QPCT: variants seen among roughly 807,000 people sequenced by gnomAD.
The protein encoded by QPCT is glutaminyl-peptide cyclotransferase.
In QPCT, 44 loss-of-function variants were observed where a neutral mutation model predicts 43.4. That is an observed-to-expected ratio of 1.01 (90% CI 0.80 to 1.30). The LOEUF (loss-of-function observed/expected upper bound fraction) is 1.30. Among genes scored for constraint, QPCT ranks in the 50% most tolerant of loss-of-function variants. The pLI, the probability that QPCT is intolerant of heterozygous loss-of-function variation, is 0.00. For synonymous variants in QPCT, 168 were observed against 168.4 expected, an observed-to-expected ratio of 1.00 and a Z score of 0.02; for missense variants, 526 against 436.5, an observed-to-expected ratio of 1.21 and a Z score of -1.83.
Position 37,344,789 on chromosome 2 carries a change from G to T in QPCT, c.58G>T (p.Ala20Ser). Reference protein sequence around the residue: ...VGTLHLLLLVAALPWASRGVS... With the variant: ...VGTLHLLLLVSALPWASRGVS... ...CACCCTCCACCTGCTGCTGCTGGTG[G>T]CCGCCCTGCCCTGGGCATCCAGGGG... The change falls in exon 1 of 7, where the codon GCC (alanine) becomes TCC (serine). Residue 20 changes from alanine to serine, a missense_variant. Ala to Ser is a moderately conservative substitution (Grantham distance 99). Coordinates refer to ENST00000338415, the MANE Select transcript of QPCT (RefSeq NM_012413.4). The T allele has an allele frequency of 6.2e-7, 1 of 1,609,896 alleles. No individual in the cohort carries two copies. Among genetic ancestry groups the T allele is most frequent in the East Asian group, 2.2e-5 (1 of 44,658 alleles).
chr2:37,347,945 T>C (rs898401165), intron 1 of QPCT, among the ~76,000 whole-genome samples: 4 of 152,096 alleles, frequency 2.6e-5, no homozygotes, highest in African/African-American at 9.7e-5. Flanking sequence ...ACTTGGAAAA[T>C]ACAGAAAAAT....
intron 5 of QPCT, among the ~76,000 whole-genome samples, chr2:37,371,499 A>G (rs1673073402): frequency 6.6e-6 from 1 of 151,940 alleles, no homozygotes; most frequent in African/African-American, 2.4e-5. Context: ...ATCAATAAAC[A>G]GACAAGAATA....
intron 3 of QPCT, among the ~76,000 whole-genome samples, chr2:37,361,735 T>C (rs190163249): frequency 2.6e-5 from 4 of 152,348 alleles, no homozygotes; most frequent in East Asian, 1.9e-4. Context: ...CCCAAGAAGA[T>C]ACATAATGGT....
At chr2:37,344,967 A>T in intron 1 of QPCT, 116 bp downstream of exon 1, 2 of 1,403,418 alleles carry the variant, frequency 1.4e-6, no homozygotes, top group Non-Finnish European at 1.9e-6. Context: ...CACGGTCCCC[A>T]GCCCAGGCAC....
chr2:37,353,498 C>T (rs896222214), intron 2 of QPCT, among the ~76,000 whole-genome samples: 1 of 152,148 alleles, frequency 6.6e-6, no homozygotes, highest in Admixed American at 6.5e-5. Flanking sequence ...ACAAAACTTC[C>T]ACGAAAAATA....
intron 2 of QPCT, among the ~76,000 whole-genome samples, chr2:37,359,309 C>T (rs1672814173): frequency 6.6e-6 from 1 of 152,130 alleles, no homozygotes. Flanking sequence ...ACTATTAACA[C>T]TGGTTAATAT....
chr2:37,348,038 A>ATC (rs56107736), intron 1 of QPCT, among the ~76,000 whole-genome samples: 26 of 150,560 alleles, frequency 1.7e-4, no homozygotes, highest in Admixed American at 2.6e-4. Context: ...TTTTATTTCT[A>ATC]TCTCTCTCTC....
intron 5 of QPCT, among the ~76,000 whole-genome samples, chr2:37,371,546 C>A (rs980899795): frequency 6.6e-6 from 1 of 150,526 alleles, no homozygotes; most frequent in Non-Finnish European, 1.5e-5. Context: ...CTCAATGTTT[C>A]TAGAATCATA....
chr2:37,347,164 A>ATT lies in QPCT; in HGVS notation c.120+2313_120+2314insTT, dbSNP rs555548922. ...GTGTTTTATATATATATATATATAT[A>ATT]ACATATATATATATAACATATATAT... On this transcript the variant is annotated intron_variant, in intron 1 of 6. Transcript: ENST00000338415. 1.7e-4 allele frequency among the ~76,000 whole-genome samples: 5 copies of ATT among 29,780 alleles called. 1 individual carries two copies. Among genetic ancestry groups the ATT allele is most frequent in the Admixed American group, 1.3e-3 (2 of 1,506 alleles). 19.5% of individuals were successfully genotyped at this position (29,780 alleles called of 152,430 possible).
chr2:37,347,725 T>C (rs1241941043), intron 1 of QPCT, among the ~76,000 whole-genome samples: 1 of 152,212 alleles, frequency 6.6e-6, no homozygotes, highest in African/African-American at 2.4e-5. Context: ...ACCAGTCTTA[T>C]TCCTTTAGTA....
rs771581214 is a variant in QPCT at position 37,344,642 on chromosome 2, G to T, written c.-90G>T. On this transcript the variant is annotated 5_prime_UTR_variant, in exon 1 of 7. Transcript: ENST00000338415. ...GGAAGGCGGGCGCAGTCGACCCAAG[G>T]GTGGAGAAGAGGGAAGGCGAAGGAC... is the stretch of plus-strand genomic sequence containing the variant. 6.6e-6 allele frequency: 10 copies of T among 1,505,516 alleles called. No individual in the cohort carries two copies. The African/African-American group carries it at 7.0e-5, about 11-fold the overall frequency. 93.3% of individuals were successfully genotyped at this position (1,505,516 alleles called of 1,614,324 possible). A position where few individuals can be genotyped will look rare whatever the true frequency, so the allele number is the denominator to read the frequency against.
At chr2:37,346,365 C>G (rs913230172) in intron 1 of QPCT, among the ~76,000 whole-genome samples, 1 of 152,220 alleles carries the variant, frequency 6.6e-6, no homozygotes, top group East Asian at 1.9e-4. Flanking sequence ...CTTCTCTTCA[C>G]TGAGAATACC....
intron 2 of QPCT, among the ~76,000 whole-genome samples, chr2:37,355,424 A>C (rs1486104265): frequency 6.6e-6 from 1 of 152,088 alleles, no homozygotes; most frequent in African/African-American, 2.4e-5. Context: ...CTTTTTGAAC[A>C]CTAGATGAGA....
At chr2:37,347,758 C>G (rs1216425474) in intron 1 of QPCT, among the ~76,000 whole-genome samples, 4 of 152,146 alleles carry the variant, frequency 2.6e-5, no homozygotes, top group African/African-American at 9.6e-5. Context: ...TTTAGTACAA[C>G]ATTGTCAACT....
intron 2 of QPCT, among the ~76,000 whole-genome samples, chr2:37,356,667 G>A (rs1268918246): frequency 1.3e-5 from 2 of 152,136 alleles, no homozygotes; most frequent in East Asian, 1.9e-4. Flanking sequence ...TTATAAAGAC[G>A]ATTTATCTTA....
intron 2 of QPCT, among the ~76,000 whole-genome samples, chr2:37,355,980 G>A (rs1160669628): frequency 6.6e-6 from 1 of 152,048 alleles, no homozygotes; most frequent in Non-Finnish European, 1.5e-5. Flanking sequence ...CATATATGGT[G>A]CACTCAAGAG....
chr2:37,359,019 G>C (rs539568948), intron 2 of QPCT: 1 of 153,632 alleles, frequency 6.5e-6, no homozygotes, highest in Admixed American at 6.5e-5. Context: ...TAGAGATAGA[G>C]ACCTGTAGGT....
At chr2:37,368,003 C>A (rs978661942) in intron 4 of QPCT, among the ~76,000 whole-genome samples, 4 of 152,134 alleles carry the variant, frequency 2.6e-5, no homozygotes, top group Non-Finnish European at 4.4e-5. Context: ...CACATTCCCC[C>A]AGTACTGTAT....
At position 37,347,165 on chromosome 2, in the gene QPCT, ACAT is replaced by A. The variant is rs1261114003; in HGVS notation, c.120+2315_120+2317del. Among the ~76,000 whole-genome samples the A allele has an allele frequency of 7.3e-5, 2 of 27,350 alleles. 1 individual carries two copies. Among genetic ancestry groups the A allele is most frequent in the Non-Finnish European group, 1.2e-4 (2 of 17,130 alleles). 17.9% of individuals were successfully genotyped at this position (27,350 alleles called of 152,430 possible). A position where few individuals can be genotyped will look rare whatever the true frequency, so the allele number is the denominator to read the frequency against. ...TGTTTTATATATATATATATATATA[ACAT>A]ATATATATATAACATATATATATAA... On this transcript the variant is annotated intron_variant, in intron 1 of 6. Coordinates refer to ENST00000338415, the MANE Select transcript of QPCT (RefSeq NM_012413.4).
Sources: gnomAD v4.1 joint callset for allele counts (sites outside exome capture counted in the v4.1 genomes callset) on GRCh38, gnomAD v4.1.1 for gene constraint, MANE v1.5 for transcripts, NCBI Gene and HGNC (gene_info 2026-07-23, HGNC 2026-07-21) for gene names.